DYNC1I1: variants seen among roughly 807,000 people sequenced by gnomAD.
DYNC1I1 encodes the protein cytoplasmic dynein 1 intermediate chain 1.
In DYNC1I1, 43 loss-of-function variants were observed where a neutral mutation model predicts 86.6. That is an observed-to-expected ratio of 0.50 (90% CI 0.39 to 0.64). The LOEUF is 0.64. Ranked by LOEUF, DYNC1I1 falls within the 30% of genes least tolerant of loss-of-function variation. The probability of loss-of-function intolerance (pLI) is 0.00; values close to 1 mark genes in which losing one functional copy is unlikely to be tolerated. For synonymous variants in DYNC1I1, 262 were observed against 283.7 expected, an observed-to-expected ratio of 0.92 and a Z score of 0.77; for missense variants, 604 against 788.8, an observed-to-expected ratio of 0.77 and a Z score of 2.81.
At chr7:95,977,287 A>G (rs962115396) in intron 6 of DYNC1I1, among the ~76,000 whole-genome samples, 1 of 152,158 alleles carries the variant, frequency 6.6e-6, no homozygotes, top group African/African-American at 2.4e-5. Flanking sequence ...CCCATTCAGT[A>G]TGGTTTTCTC....
At chr7:95,891,747 G>T (rs1790744856) in intron 6 of DYNC1I1, among the ~76,000 whole-genome samples, 1 of 152,060 alleles carries the variant, frequency 6.6e-6, no homozygotes, top group Non-Finnish European at 1.5e-5. Context: ...TGTTTTATTT[G>T]GTCTGCTCAC....
intron 6 of DYNC1I1, among the ~76,000 whole-genome samples, chr7:95,887,011 A>T (rs763782105): frequency 1.4e-4 from 22 of 152,144 alleles, no homozygotes; most frequent in Non-Finnish European, 1.0e-4. Context: ...CTGCCTAAAA[A>T]CTTTCCAGGA....
chr7:96,002,698 G>T (rs906427312), intron 10 of DYNC1I1, among the ~76,000 whole-genome samples: 1 of 152,158 alleles, frequency 6.6e-6, no homozygotes, highest in Non-Finnish European at 1.5e-5. Flanking sequence ...GGTTGTGACT[G>T]AGGGGTTCTC....
At chr7:95,823,183 G>T (rs964528509) in intron 4 of DYNC1I1, among the ~76,000 whole-genome samples, 9 of 152,094 alleles carry the variant, frequency 5.9e-5, no homozygotes, top group Non-Finnish European at 1.2e-4. Flanking sequence ...AGCCACCTAA[G>T]TCCAATAAAC....
chr7:95,786,792 A>T (rs1164006646), intron 1 of DYNC1I1, among the ~76,000 whole-genome samples: 1 of 152,112 alleles, frequency 6.6e-6, no homozygotes, highest in Non-Finnish European at 1.5e-5. Flanking sequence ...CCACCACTCC[A>T]TTCCTGCAAA....
chr7:95,983,471 A>T (rs1793505726), intron 7 of DYNC1I1, among the ~76,000 whole-genome samples: 1 of 152,018 alleles, frequency 6.6e-6, no homozygotes, highest in Admixed American at 6.6e-5. Context: ...ACAAATAGAG[A>T]TTCTCGTGTT....
At chr7:95,962,553 C>A (rs1317483171) in intron 6 of DYNC1I1, among the ~76,000 whole-genome samples, 2 of 150,678 alleles carry the variant, frequency 1.3e-5, no homozygotes, top group Non-Finnish European at 2.9e-5. Context: ...TAATTATTAT[C>A]ACAATTACCC....
At chr7:96,068,489 T>C (rs1168630960) in intron 14 of DYNC1I1, among the ~76,000 whole-genome samples, 5 of 152,182 alleles carry the variant, frequency 3.3e-5, no homozygotes, top group African/African-American at 1.2e-4. Context: ...CTTTTATATA[T>C]ATGGTCAATT....
chr7:96,056,011 A>G (rs1396159215), intron 14 of DYNC1I1: 1 of 149,432 alleles, frequency 6.7e-6, no homozygotes, highest in Non-Finnish European at 1.5e-5. Flanking sequence ...AGGATTAAAA[A>G]CTTAACTTTT....
intron 16 of DYNC1I1, among the ~76,000 whole-genome samples, chr7:96,106,694 G>A (rs1584324298): frequency 6.6e-6 from 1 of 152,096 alleles, no homozygotes; most frequent in South Asian, 2.1e-4. Context: ...GAAGTGTTTT[G>A]TTTAACTTCC....
chr7:95,803,035 G>A (rs1339988529), intron 1 of DYNC1I1, among the ~76,000 whole-genome samples: 2 of 152,138 alleles, frequency 1.3e-5, no homozygotes, highest in African/African-American at 4.8e-5. Context: ...CTCTGAACTT[G>A]TACACTGGGT....
At chr7:95,915,932 T>C (rs1161493724) in intron 6 of DYNC1I1, among the ~76,000 whole-genome samples, 1 of 152,222 alleles carries the variant, frequency 6.6e-6, no homozygotes, top group African/African-American at 2.4e-5. Flanking sequence ...CATCCGTATC[T>C]GTTCAACAAC....
At chr7:96,055,023 G>A (rs1369679374) in intron 14 of DYNC1I1, among the ~76,000 whole-genome samples, 2 of 152,136 alleles carry the variant, frequency 1.3e-5, no homozygotes, top group Admixed American at 6.5e-5. Context: ...TGGTGTTTTA[G>A]TCATGAAGCC....
chr7:95,934,393 G>C (rs1198210743), intron 6 of DYNC1I1, among the ~76,000 whole-genome samples: 1 of 152,102 alleles, frequency 6.6e-6, no homozygotes, highest in Non-Finnish European at 1.5e-5. Flanking sequence ...ATATAAGTGG[G>C]AATTTTTTCT....
At chr7:96,024,590 C>G (rs319289) in intron 10 of DYNC1I1, among the ~76,000 whole-genome samples, 18 of 151,942 alleles carry the variant, frequency 1.2e-4, no homozygotes, top group Non-Finnish European at 2.2e-4. Context: ...TTATTAGTCT[C>G]CATTTAATAA....
chr7:95,800,769 C>G (rs1011165694), intron 1 of DYNC1I1, among the ~76,000 whole-genome samples: 3 of 152,190 alleles, frequency 2.0e-5, no homozygotes, highest in Non-Finnish European at 4.4e-5. Context: ...AGTAACTGAG[C>G]AATAATTAGC....
chr7:96,021,640 A>T (rs2115916058), intron 10 of DYNC1I1, among the ~76,000 whole-genome samples: 1 of 152,296 alleles, frequency 6.6e-6, no homozygotes, highest in Non-Finnish European at 1.5e-5. Context: ...TCACATAAAG[A>T]AACCCCATAT....
At chr7:95,997,756 T>A in intron 10 of DYNC1I1, among the ~76,000 whole-genome samples, 1 of 151,964 alleles carries the variant, frequency 6.6e-6, no homozygotes, top group East Asian at 1.9e-4. Context: ...GTACCCTAAA[T>A]ATAGTAACAA....
intron 16 of DYNC1I1, among the ~76,000 whole-genome samples, chr7:96,104,281 C>T (rs980405722): frequency 6.6e-6 from 1 of 151,798 alleles, no homozygotes; most frequent in African/African-American, 2.4e-5. Flanking sequence ...ATTCCTTTGC[C>T]AGATATGTTT....
Sources: gnomAD v4.1 joint callset for allele counts (sites outside exome capture counted in the v4.1 genomes callset) on GRCh38, gnomAD v4.1.1 for gene constraint, MANE v1.5 for transcripts, NCBI Gene and HGNC (gene_info 2026-07-23, HGNC 2026-07-21) for gene names.